Variants in MGRN1 observed in about 807,000 individuals in gnomAD.
MGRN1 encodes E3 ubiquitin-protein ligase MGRN1.
In MGRN1, 29 loss-of-function variants were observed where a neutral mutation model predicts 69.2. That is an observed-to-expected ratio of 0.42 (90% CI 0.31 to 0.57). The LOEUF (loss-of-function observed/expected upper bound fraction) is 0.57, where lower values mean the gene tolerates loss of function less well. Among genes scored for constraint, MGRN1 ranks in the 20% least tolerant of loss-of-function variants. The pLI is 0.15. For synonymous variants in MGRN1, 470 were observed against 344.2 expected (o/e 1.37, Z -4.04); for missense variants, 998 against 796.2 (o/e 1.25, Z -3.05).
At chr16:4,648,229 C>A (rs373379432) in intron 1 of MGRN1, among the ~76,000 whole-genome samples, 1 of 150,806 alleles carries the variant, frequency 6.6e-6, no homozygotes, top group East Asian at 2.0e-4. Context: ...CGGGTCCTCC[C>A]CTCGGAGACT....
chr16:4,675,281 A>G (rs2141957977), intron 10 of MGRN1, among the ~76,000 whole-genome samples: 1 of 151,910 alleles, frequency 6.6e-6, no homozygotes, highest in East Asian at 1.9e-4. Context: ...CTTGTTTTTA[A>G]AATTTTTTTT....
intron 16 of MGRN1, chr16:4,687,118 C>G (rs1267711603): frequency 2.0e-6 from 2 of 985,334 alleles, no homozygotes; most frequent in Non-Finnish European, 2.4e-6. Context: ...GAGCCCACTG[C>G]TGCCGACTCA....
chr16:4,642,146 T>TTTA (rs1555448326), intron 1 of MGRN1, among the ~76,000 whole-genome samples: 6 of 147,702 alleles, frequency 4.1e-5, no homozygotes, highest in Admixed American at 6.8e-5. Context: ...TTTTTTTTTT[T>TTTA]AAAAAAGACC....
chr16:4,625,325 CA>C (rs1897617264), intron 1 of MGRN1, among the ~76,000 whole-genome samples: 1 of 152,142 alleles, frequency 6.6e-6, no homozygotes, highest in African/African-American at 2.4e-5. Flanking sequence ...GTCCTTGCAA[CA>C]GGGGGGAGCT....
rs989944768 is a variant in MGRN1 at position 4,671,239 on chromosome 16, C to A, written c.727-152C>A. ...TGGGTGGGGGCAAGCAGCAGGTTTT[C>A]CCTGCCCTTCTCCTGGCCCCCAGGG... On this transcript the variant is annotated intron_variant, in intron 8 of 16. Transcript: ENST00000262370. 5 of 679,308 alleles carry A rather than the reference C, an allele frequency of 7.4e-6. No homozygotes were observed. In the East Asian group the frequency reaches 1.4e-4, roughly 19 times the overall value. 42.1% of individuals were successfully genotyped at this position (679,308 alleles called of 1,614,324 possible).
At chr16:4,666,602 G>A (rs1292857096) in intron 7 of MGRN1, among the ~76,000 whole-genome samples, 2 of 152,220 alleles carry the variant, frequency 1.3e-5, no homozygotes, top group East Asian at 3.9e-4. Flanking sequence ...GATCAGCAAT[G>A]TTGTTACCTC....
chr16:4,648,822 C>T (rs1404718985), intron 1 of MGRN1, among the ~76,000 whole-genome samples: 3 of 126,862 alleles, frequency 2.4e-5, no homozygotes, highest in Non-Finnish European at 4.9e-5. Context: ...TTCCCGTGGT[C>T]ACCCGGGTCC....
intron 11 of MGRN1, 90 bp from the exon 12 acceptor site, chr16:4,679,942 G>A: frequency 8.1e-7 from 1 of 1,238,142 alleles, no homozygotes; most frequent in South Asian, 1.3e-5. Flanking sequence ...GCCACGGTGT[G>A]GCAAGAGGAC....
At chr16:4,663,063 A>G (rs1001211051) in intron 5 of MGRN1, among the ~76,000 whole-genome samples, 1 of 152,046 alleles carries the variant, frequency 6.6e-6, no homozygotes, top group Non-Finnish European at 1.5e-5. Context: ...TGTTTCATCC[A>G]TATTTTGTTT....
At chr16:4,668,220 G>T in intron 7 of MGRN1, 45 bp from the exon 8 acceptor site, 1 of 1,599,138 alleles carries the variant, frequency 6.3e-7, no homozygotes, top group Non-Finnish European at 8.6e-7. Flanking sequence ...GTGCTCAGAG[G>T]CGCCAGCTTG....
intron 16 of MGRN1, chr16:4,688,389 C>A (rs974319241): frequency 4.0e-6 from 4 of 1,010,964 alleles, no homozygotes; most frequent in East Asian, 9.5e-5. Flanking sequence ...CCGCTCCCCA[C>A]CCCTGCACCC....
intron 16 of MGRN1, chr16:4,688,285 G>A (rs1245329832): frequency 7.1e-6 from 7 of 986,352 alleles, no homozygotes; most frequent in Non-Finnish European, 8.4e-6. Context: ...GCAGGCCACA[G>A]TCTGGGCATT....
intron 1 of MGRN1, among the ~76,000 whole-genome samples, chr16:4,648,756 C>T (rs1198586050): frequency 3.3e-5 from 4 of 120,110 alleles, no homozygotes; most frequent in African/African-American, 3.4e-5. Flanking sequence ...CGTGGTCACC[C>T]GGCTCCTCCT....
In MGRN1 at chr16:4,688,880, C is replaced by G; in HGVS notation, c.1703C>G (p.Pro568Arg). 1.3e-6 allele frequency: 2 copies of G among 1,552,408 alleles called. No homozygotes were observed. The highest frequency in any genetic ancestry group is 1.7e-6 in the Non-Finnish European group (2 of 1,147,540). The change falls in exon 17 of 17, where the codon CCC becomes CGC. Residue 568 changes from proline (P) to arginine (R), a missense_variant. Coordinates refer to ENST00000262370, the MANE Select transcript of MGRN1 (RefSeq NM_015246.4). Reference protein sequence around the residue: ...WPPLGGPSPDPSAAELTPL With the variant: ...WPPLGGPSPDRSAAELTPL ...CCACTTGGTGGCCCCAGCCCCGATC[C>G]CAGCGCCGCCGAGCTGACCCCACTC... is the stretch of plus-strand genomic sequence containing the variant.
At chr16:4,650,339 A>C in intron 1 of MGRN1, 26 bp from the exon 2 acceptor site, 1 of 1,522,640 alleles carries the variant, frequency 6.6e-7, no homozygotes. Flanking sequence ...AAAAAAATCT[A>C]TAATCGTGTT....
Position 4,682,859 on chromosome 16 carries a change from GGAT to G in MGRN1, c.1398_1400del (p.Asp466del). The G allele has an allele frequency of 6.2e-7, 1 of 1,608,500 alleles. No homozygotes were observed. The highest frequency in any genetic ancestry group is 1.7e-5 in the Admixed American group (1 of 59,664). ...CCCCGTCTTCCCCCATCCACGAAGA[GGAT>G]GAGGAGAAGCTCTCCGAGGACGTGG... On this transcript the variant is annotated inframe_deletion, in exon 14 of 17. Transcript: ENST00000262370.
At chr16:4,665,498 A>T (rs2078783502) in intron 7 of MGRN1, among the ~76,000 whole-genome samples, 1 of 148,924 alleles carries the variant, frequency 6.7e-6, no homozygotes, top group Admixed American at 6.7e-5. Flanking sequence ...CCTCCCGAGT[A>T]CCTGGGAGTA....
Position 4,665,084 on chromosome 16 carries a change from C to CCCCTCTCT in MGRN1, c.629-14_629-7dup. ...GCAGGCCCCGACTCTGACTACTCTG[C>CCCCTCTCT]CCCTCTCTCCCCAGCAGTGGTGGAA... is the stretch of plus-strand genomic sequence containing the variant. On this transcript the variant is annotated splice_polypyrimidine_tract_variant and intron_variant, in intron 6 of 16. Coordinates refer to ENST00000262370, the MANE Select transcript of MGRN1 (RefSeq NM_015246.4). The CCCCTCTCT allele has an allele frequency of 6.2e-7, 1 of 1,614,128 alleles. No individual in the cohort carries two copies. The highest frequency in any genetic ancestry group is 8.5e-7 in the Non-Finnish European group (1 of 1,179,998).
At chr16:4,677,736 C>G (rs1436154992) in intron 11 of MGRN1, among the ~76,000 whole-genome samples, 164 bp downstream of exon 11, 1 of 151,976 alleles carries the variant, frequency 6.6e-6, no homozygotes, top group Non-Finnish European at 1.5e-5. Flanking sequence ...GGTGGCCAGG[C>G]TGGGCCCTGG....
Sources: gnomAD v4.1 joint callset for allele counts (sites outside exome capture counted in the v4.1 genomes callset) on GRCh38, gnomAD v4.1.1 for gene constraint, MANE v1.5 for transcripts, NCBI Gene and HGNC (gene_info 2026-07-23, HGNC 2026-07-21) for gene names.